TTC34: variants seen among roughly 807,000 people sequenced by gnomAD.
TTC34 encodes the protein tetratricopeptide repeat protein 34.
Under a neutral mutation model 40.7 loss-of-function variants are expected in TTC34, and 44 were observed. The ratio of observed to expected loss-of-function variants is 1.08; its 90% CI spans 0.85 to 1.39. The LOEUF (loss-of-function observed/expected upper bound fraction) is 1.39, where lower values mean the gene tolerates loss of function less well. TTC34 is among the 40% of genes most tolerant of loss of function. The probability of loss-of-function intolerance (pLI) is 0.00; values close to 1 mark genes in which losing one functional copy is unlikely to be tolerated. For missense variants in TTC34, 884 were observed against 838.0 expected, an observed-to-expected ratio of 1.05 and a Z score of -0.68; for synonymous variants, 422 against 398.6, an observed-to-expected ratio of 1.06 and a Z score of -0.70.
chr1:2,686,592 G>C (rs7416366), intron 6 of TTC34, among the ~76,000 whole-genome samples: 12 of 141,126 alleles, frequency 8.5e-5, no homozygotes, highest in African/African-American at 2.4e-4. Context: ...GCCTGGAACA[G>C]CACACACACC....
chr1:2,682,500 T>C (rs1159524434), intron 6 of TTC34, among the ~76,000 whole-genome samples: 1 of 7,078 alleles, frequency 1.4e-4, no homozygotes, highest in Non-Finnish European at 4.9e-4. Flanking sequence ...TCAGGAGCAG[T>C]GCCCACACAC....
intron 6 of TTC34, among the ~76,000 whole-genome samples, chr1:2,694,677 G>A (rs563815818): frequency 1.2e-5 from 1 of 82,186 alleles, no homozygotes; most frequent in African/African-American, 3.9e-5. Flanking sequence ...ACACCGCCAG[G>A]TGACCATTGG....
At chr1:2,641,350 G>A (rs1310603433) in exon 9 of TTC34, 10 of 1,476,594 alleles carry the variant, frequency 6.8e-6, no homozygotes, top group African/African-American at 1.4e-5. Context: ...ATTAGGGCTG[G>A]GAGAGGGTCA....
intron 6 of TTC34, among the ~76,000 whole-genome samples, chr1:2,753,244 C>G (rs1253008881): frequency 5.8e-3 from 574 of 98,578 alleles, no homozygotes; most frequent in African/African-American, 9.0e-3. Context: ...CAGCCTGGAG[C>G]AGCACCCACA....
At chr1:2,687,261 G>A (rs112006708) in intron 6 of TTC34, among the ~76,000 whole-genome samples, 1 of 134,176 alleles carries the variant, frequency 7.5e-6, no homozygotes, top group Non-Finnish European at 1.6e-5. Flanking sequence ...GTGCGCATCT[G>A]ATGGTCTGGA....
intron 6 of TTC34, chr1:2,775,511 A>T (rs1371741936): frequency 6.8e-6 from 1 of 147,022 alleles, no homozygotes; most frequent in East Asian, 2.0e-4. Context: ...AGCACCCTCC[A>T]CCACCAGATG....
intron 6 of TTC34, among the ~76,000 whole-genome samples, chr1:2,778,473 A>T (rs941409102): frequency 4.6e-5 from 7 of 152,178 alleles, no homozygotes; most frequent in African/African-American, 1.7e-4. Flanking sequence ...TGTTGAGTAG[A>T]CAGCTCAGGC....
intron 6 of TTC34, among the ~76,000 whole-genome samples, chr1:2,683,570 A>G (rs1640179640): frequency 7.0e-6 from 1 of 141,972 alleles, no homozygotes; most frequent in South Asian, 2.2e-4. Context: ...TGAGCATCCG[A>G]CAGCCTGGAA....
At chr1:2,675,132 A>T (rs11488611) in intron 6 of TTC34, among the ~76,000 whole-genome samples, 1 of 4,286 alleles carries the variant, frequency 2.3e-4, no homozygotes, top group Non-Finnish European at 5.7e-4. Context: ...CCCAGGTGAG[A>T]ATCTGACAGC....
chr1:2,800,244 A>G (rs1643756846), exon 2 of TTC34: 1 of 398,410 alleles, frequency 2.5e-6, no homozygotes, highest in Non-Finnish European at 4.4e-6. Flanking sequence ...GTGCCCCGAG[A>G]GGTAGTCCTG....
chr1:2,800,075 G>T (rs927900788), exon 2 of TTC34: 2 of 398,396 alleles, frequency 5.0e-6, no homozygotes, highest in Non-Finnish European at 8.8e-6. Flanking sequence ...GATGGGCCTC[G>T]AGGGCCCGGC....
chr1:2,751,699 C>A (rs1641326121), intron 6 of TTC34, among the ~76,000 whole-genome samples: 1 of 143,138 alleles, frequency 7.0e-6, no homozygotes, highest in Non-Finnish European at 1.5e-5. Context: ...CCCAAGCGAG[C>A]ATCCGACAGC....
At chr1:2,646,389 T>G (rs953960241) in intron 6 of TTC34, among the ~76,000 whole-genome samples, 1 of 152,136 alleles carries the variant, frequency 6.6e-6, no homozygotes, top group Non-Finnish European at 1.5e-5. Context: ...GTGAATTAAT[T>G]ATATATATAT....
intron 6 of TTC34, among the ~76,000 whole-genome samples, chr1:2,694,985 C>T (rs1414817184): frequency 1.1e-4 from 17 of 150,944 alleles, no homozygotes; most frequent in Middle Eastern, 7.1e-3. Flanking sequence ...TGGAGCAGCA[C>T]CCTGCACCCC....
intron 6 of TTC34, among the ~76,000 whole-genome samples, chr1:2,751,732 A>T (rs1225832296): frequency 1.6e-5 from 2 of 124,996 alleles, no homozygotes; most frequent in African/African-American, 3.1e-5. Flanking sequence ...CCACACCCCC[A>T]GGTGAGCATC....
chr1:2,750,238 C>T (rs1641270489), intron 6 of TTC34, among the ~76,000 whole-genome samples: 5 of 152,220 alleles, frequency 3.3e-5, no homozygotes, highest in African/African-American at 1.2e-4. Flanking sequence ...GGAGCAGCAC[C>T]CACACCCACA....
In TTC34 at chr1:2,786,125, C is replaced by T. The variant is rs945260781; in HGVS notation, c.1855-102G>A. 12 of 1,112,052 alleles carry T rather than the reference C, an allele frequency of 1.1e-5. No homozygotes were observed. In the African/African-American group the frequency reaches 2.0e-4, roughly 18 times the overall value. 68.9% of individuals were successfully genotyped at this position (1,112,052 alleles called of 1,614,324 possible). On this transcript the variant is annotated intron_variant, in intron 4 of 8. Transcript: ENST00000401095. Reference sequence around the variant, plus strand: ...CCATCCCCCACCCCACCCTCACTGCCCCAGGGTCCACCTGGTGCCAACGCT... The same window carrying T: ...CCATCCCCCACCCCACCCTCACTGCTCCAGGGTCCACCTGGTGCCAACGCT...
intron 6 of TTC34, among the ~76,000 whole-genome samples, chr1:2,756,445 CAGCCT>C (rs1641508402): frequency 1.1e-5 from 1 of 93,008 alleles, no homozygotes; most frequent in Non-Finnish European, 2.1e-5. Flanking sequence ...GAGCATCTGA[CAGCCT>C]GGAAGAGCAA....
At position 2,644,325 on chromosome 1, in the gene TTC34, G is replaced by A. The variant is rs116599914; in HGVS notation, c.2651C>T (p.Ala884Val). 2.8e-4 allele frequency: 432 copies of A among 1,535,836 alleles called. 1 individual carries two copies. In the African/African-American group the frequency reaches 5.5e-3, roughly 20 times the overall value. ...ATGCAGCAGGCAGCTGAGATCCGGG[G>A]CATCCACCTCGGCCAGGCTCTGCAG... Residue 884 changes from alanine (A) to valine (V), a missense_variant, in exon 8 of 9, where the codon GCC becomes GTC. Transcript: ENST00000401095.
Sources: gnomAD v4.1 joint callset for allele counts (sites outside exome capture counted in the v4.1 genomes callset) on GRCh38, gnomAD v4.1.1 for gene constraint, MANE v1.5 for transcripts, NCBI Gene and HGNC (gene_info 2026-07-23, HGNC 2026-07-21) for gene names.